Variants in TOP2B observed in about 807,000 individuals in gnomAD.
The protein encoded by TOP2B is DNA topoisomerase 2-beta.
TOP2B carries 51 observed loss-of-function variants against 193.5 expected under a neutral mutation model. That is an observed-to-expected ratio of 0.26 (90% confidence interval 0.21 to 0.33). The LOEUF (loss-of-function observed/expected upper bound fraction) is 0.33, where lower values mean the gene tolerates loss of function less well. Among genes scored for constraint, TOP2B ranks in the 10% least tolerant of loss-of-function variants. The pLI is 1.00. For missense variants in TOP2B, 1,378 were observed against 1,909.3 expected (o/e 0.72, Z 5.19); for synonymous variants, 634 against 635.7 (o/e 1.00, Z 0.04).
At position 25,607,238 on chromosome 3, in the gene TOP2B, C is replaced by G. The variant is rs937253830; in HGVS notation, c.4231G>C (p.Val1411Leu). ...PITNDGEDEF[V>L]PSDGLDKDEY... ...TCTTTATCTAACCCATCTGAAGGAA[C>G]AAATTCATCTTCCCCATCATTTGTT... Residue 1411 changes from valine (V) to leucine (L), a missense_variant, in exon 31 of 36, where the codon GTT becomes CTT. This residue lies in a region of TOP2B where 556 missense variants were observed against 584.2 expected (regional missense o/e 0.95). Coordinates refer to ENST00000264331, the MANE Select transcript of TOP2B (RefSeq NM_001330700.2). 10 of 1,606,830 alleles carry G rather than the reference C, an allele frequency of 6.2e-6. No homozygotes were observed. The African/African-American group carries it at 1.1e-4, about 17-fold the overall frequency.
intron 1 of TOP2B, among the ~76,000 whole-genome samples, chr3:25,649,528 T>C (rs994621860): frequency 6.6e-6 from 1 of 151,694 alleles, no homozygotes; most frequent in African/African-American, 2.4e-5. Context: ...CAAAGGAGCT[T>C]CTGTTAGATT....
chr3:25,602,338 C>T (rs927580804), intron 33 of TOP2B, among the ~76,000 whole-genome samples: 1 of 140,792 alleles, frequency 7.1e-6, no homozygotes, highest in African/African-American at 2.8e-5. Flanking sequence ...GGGAGGTTGC[C>T]GTGAGCCAAG....
chr3:25,662,952 C>T (rs550921939), intron 1 of TOP2B, among the ~76,000 whole-genome samples: 2 of 152,320 alleles, frequency 1.3e-5, no homozygotes, highest in South Asian at 4.1e-4. Context: ...CTCCTTCTTC[C>T]TCTCACATAC....
intron 5 of TOP2B, among the ~76,000 whole-genome samples, chr3:25,637,691 G>GCAAAA (rs1250000000): frequency 2.0e-5 from 3 of 151,630 alleles, no homozygotes; most frequent in African/African-American, 4.8e-5. Context: ...GGTTTAAAAA[G>GCAAAA]CAAAACAAAA....
chr3:25,603,205 T>TA (rs1384690320), intron 33 of TOP2B, among the ~76,000 whole-genome samples: 1 of 152,100 alleles, frequency 6.6e-6, no homozygotes, highest in Non-Finnish European at 1.5e-5. Context: ...AAGATGCTCA[T>TA]ATGAAGATTA....
At chr3:25,652,916 A>G (rs959069268) in intron 1 of TOP2B, among the ~76,000 whole-genome samples, 2 of 150,964 alleles carry the variant, frequency 1.3e-5, no homozygotes, top group East Asian at 4.1e-4. Context: ...ATTACATAAG[A>G]AAAAAAAGAG....
chr3:25,618,873 C>T, intron 23 of TOP2B, 24 bp from the exon 24 acceptor site: 1 of 1,547,542 alleles, frequency 6.5e-7, no homozygotes, highest in Non-Finnish European at 8.8e-7. Context: ...ATATACTTTG[C>T]AGATCATATA....
chr3:25,648,261 T>C (rs1256684066), intron 1 of TOP2B, among the ~76,000 whole-genome samples: 1 of 152,168 alleles, frequency 6.6e-6, no homozygotes, highest in Admixed American at 6.5e-5. Context: ...GCTCCAGTAC[T>C]GTAGTTTACT....
intron 7 of TOP2B, 36 bp downstream of exon 7, chr3:25,635,900 T>TAAC: frequency 1.3e-6 from 2 of 1,559,720 alleles, no homozygotes; most frequent in Non-Finnish European, 1.8e-6. Context: ...CTCTATAAAA[T>TAAC]AACATAGTAT....
intron 33 of TOP2B, among the ~76,000 whole-genome samples, chr3:25,601,941 C>A (rs1395951302): frequency 6.6e-6 from 1 of 152,104 alleles, no homozygotes; most frequent in Non-Finnish European, 1.5e-5. Flanking sequence ...GAATAGAAAC[C>A]AACTCACTTC....
intron 1 of TOP2B, among the ~76,000 whole-genome samples, chr3:25,663,834 T>C (rs1257225892): frequency 6.6e-6 from 1 of 152,038 alleles, no homozygotes; most frequent in African/African-American, 2.4e-5. Flanking sequence ...TTCCCAGGGT[T>C]TTCTTGAACT....
intron 4 of TOP2B, among the ~76,000 whole-genome samples, chr3:25,641,378 A>T (rs1227579428): frequency 6.6e-6 from 1 of 152,180 alleles, no homozygotes; most frequent in Non-Finnish European, 1.5e-5. Flanking sequence ...TTTTTAACTG[A>T]CAATTGCCTA....
rs375402091 is a variant in TOP2B at position 25,654,717 on chromosome 3, G to A, written c.70-9247C>T. On this transcript the variant is annotated intron_variant, in intron 1 of 35. Coordinates refer to ENST00000264331, the MANE Select transcript of TOP2B (RefSeq NM_001330700.2). ...TACAGAACAACAGAAATCTAAAACAGTGTGGCACTGGCATACAGACAGAAG... is the reference window on the plus strand; with the variant it reads ...TACAGAACAACAGAAATCTAAAACAATGTGGCACTGGCATACAGACAGAAG... Among the ~76,000 whole-genome samples the A allele has an allele frequency of 3.9e-5, 6 of 152,272 alleles. No homozygotes were observed. The East Asian group carries it at 7.7e-4, about 20-fold the overall frequency.
At chr3:25,621,489 G>T (rs1271494316) in intron 21 of TOP2B, among the ~76,000 whole-genome samples, 1 of 152,008 alleles carries the variant, frequency 6.6e-6, no homozygotes, top group Admixed American at 6.6e-5. Context: ...AGCCTCCCAA[G>T]TAGCTGGGGT....
At chr3:25,610,728 T>C (rs936332514) in intron 28 of TOP2B, among the ~76,000 whole-genome samples, 1 of 152,204 alleles carries the variant, frequency 6.6e-6, no homozygotes, top group Admixed American at 6.5e-5. Flanking sequence ...ACTGACTTTT[T>C]AGAATTTTCA....
chr3:25,608,889 T>C (rs1450355167), intron 30 of TOP2B, among the ~76,000 whole-genome samples: 1 of 152,166 alleles, frequency 6.6e-6, no homozygotes, highest in Non-Finnish European at 1.5e-5. Flanking sequence ...TATTAATAGA[T>C]CTATCATTGC....
At position 25,630,956 on chromosome 3, in the gene TOP2B, A is replaced by C; in HGVS notation, c.1267-17T>G. ...ATTAGAGGCCTAAAAATAAAAGAATAATGGTATACAAACAAGCTGAAAATT... is the reference window on the plus strand; with the variant it reads ...ATTAGAGGCCTAAAAATAAAAGAATCATGGTATACAAACAAGCTGAAAATT... On this transcript the variant is annotated splice_polypyrimidine_tract_variant and intron_variant, in intron 10 of 35. Coordinates refer to ENST00000264331, the MANE Select transcript of TOP2B (RefSeq NM_001330700.2). 1.3e-6 allele frequency: 2 copies of C among 1,568,762 alleles called. No homozygotes were observed. The highest frequency in any genetic ancestry group is 1.7e-6 in the Non-Finnish European group (2 of 1,163,612).
chr3:25,598,599 T>A, intron 35 of TOP2B, 122 bp from the exon 36 acceptor site: 2 of 734,824 alleles, frequency 2.7e-6, no homozygotes, highest in Non-Finnish European at 4.0e-6. Flanking sequence ...GCTTTTAAAA[T>A]TAGAATCATA....
At chr3:25,658,223 T>C (rs1232694847) in intron 1 of TOP2B, among the ~76,000 whole-genome samples, 10 of 151,396 alleles carry the variant, frequency 6.6e-5, no homozygotes, top group Admixed American at 3.9e-4. Flanking sequence ...CAGAGCGAGA[T>C]TCCATCTCAA....
Sources: gnomAD v4.1 joint callset for allele counts (sites outside exome capture counted in the v4.1 genomes callset) on GRCh38, gnomAD v4.1.1 for gene constraint, gnomAD v4.1.1 regional missense constraint, MANE v1.5 for transcripts, NCBI Gene and HGNC (gene_info 2026-07-23, HGNC 2026-07-21) for gene names.